The following MAF variants were observed in gnomAD, a reference collection of about 807,000 sequenced individuals.
MAF encodes the protein MAF bZIP transcription factor.
Under a neutral mutation model 22.0 loss-of-function variants are expected in MAF, and 10 were observed. The ratio of observed to expected loss-of-function variants is 0.45; its 90% CI spans 0.28 to 0.77. The LOEUF (loss-of-function observed/expected upper bound fraction) is 0.77, where lower values mean the gene tolerates loss of function less well. MAF is among the 30% of genes least tolerant of loss of function. MAF has a pLI of 0.12. For missense variants in MAF, 544 were observed against 548.4 expected, an observed-to-expected ratio of 0.99 and a Z score of 0.08; for synonymous variants, 337 against 255.8, an observed-to-expected ratio of 1.32 and a Z score of -3.03.
chr16:79,243,810 A>G, the MAF span, among the ~76,000 whole-genome samples: 2 of 152,186 alleles, frequency 1.3e-5, no homozygotes, highest in South Asian at 4.1e-4. Flanking sequence ...TGCTGCGAAA[A>G]TCCTCAATAA....
the MAF span, among the ~76,000 whole-genome samples, chr16:79,390,676 T>G: frequency 1.8e-4 from 27 of 152,286 alleles, 1 homozygote; most frequent in African/African-American, 6.3e-4. Flanking sequence ...GCCATGGAGC[T>G]GCCAGGGCAC....
the MAF span, among the ~76,000 whole-genome samples, chr16:79,394,971 A>G: frequency 6.6e-6 from 1 of 152,248 alleles, no homozygotes; most frequent in Non-Finnish European, 1.5e-5. Context: ...CACAGAGCAT[A>G]TAGCACAGAG....
the MAF span, among the ~76,000 whole-genome samples, chr16:79,268,711 C>T: frequency 9.2e-4 from 140 of 152,324 alleles, 1 homozygote; most frequent in Middle Eastern, 6.8e-3. Flanking sequence ...AACATTGCAA[C>T]AGGAAGCCCA....
At chr16:79,223,567 T>C in the MAF span, among the ~76,000 whole-genome samples, 1 of 151,926 alleles carries the variant, frequency 6.6e-6, no homozygotes, top group Non-Finnish European at 1.5e-5. Flanking sequence ...AATCAATGAA[T>C]CCAGAAACTG....
At chr16:79,568,624 G>C in the MAF span, among the ~76,000 whole-genome samples, 1 of 152,146 alleles carries the variant, frequency 6.6e-6, no homozygotes, top group Non-Finnish European at 1.5e-5. Context: ...CGGTTTCTGA[G>C]TCTTGGATCT....
the MAF span, among the ~76,000 whole-genome samples, chr16:79,406,079 C>G: frequency 6.6e-6 from 1 of 152,202 alleles, no homozygotes; most frequent in Non-Finnish European, 1.5e-5. Flanking sequence ...CTCTGAGGCT[C>G]ATGCTTTACA....
the MAF span, among the ~76,000 whole-genome samples, chr16:79,477,256 G>A: frequency 2.0e-5 from 3 of 152,180 alleles, no homozygotes; most frequent in African/African-American, 4.8e-5. Flanking sequence ...GTCATGCTTT[G>A]TGGCCAAAAG....
chr16:79,402,455 G>T, the MAF span, among the ~76,000 whole-genome samples: 13 of 152,314 alleles, frequency 8.5e-5, no homozygotes, highest in East Asian at 7.7e-4. Context: ...TCTTCCAGGG[G>T]CCTCTCACAC....
At chr16:79,214,556 C>A in the MAF span, among the ~76,000 whole-genome samples, 1 of 151,964 alleles carries the variant, frequency 6.6e-6, no homozygotes, top group Non-Finnish European at 1.5e-5. Flanking sequence ...CAGGTACACA[C>A]CACCACACCT....
the MAF span, among the ~76,000 whole-genome samples, chr16:79,560,542 G>A: frequency 1.3e-5 from 2 of 151,970 alleles, no homozygotes; most frequent in African/African-American, 2.4e-5. Context: ...ACTACTTCAA[G>A]CTAAAGGCAT....
At chr16:79,214,160 CCTCT>C in the MAF span, among the ~76,000 whole-genome samples, 4 of 152,102 alleles carry the variant, frequency 2.6e-5, no homozygotes, top group Non-Finnish European at 4.4e-5. Flanking sequence ...TTCCCCTTCC[CCTCT>C]ATTTTTTCTC....
At chr16:79,328,582 A>T in the MAF span, among the ~76,000 whole-genome samples, 5 of 152,208 alleles carry the variant, frequency 3.3e-5, no homozygotes. Context: ...AGAGCCTAAA[A>T]TCCCTCGAGC....
At chr16:79,545,432 T>C in the MAF span, among the ~76,000 whole-genome samples, 1 of 152,054 alleles carries the variant, frequency 6.6e-6, no homozygotes, top group South Asian at 2.1e-4. Flanking sequence ...TTAAATCAAG[T>C]GTGGCACCCA....
At chr16:79,520,222 A>T in the MAF span, among the ~76,000 whole-genome samples, 978 of 152,252 alleles carry the variant, frequency 6.4e-3, 10 homozygotes, top group African/African-American at 0.022. Context: ...GGGCCATCTT[A>T]TATAATTCAG....
At chr16:79,543,373 C>T in the MAF span, among the ~76,000 whole-genome samples, 1 of 152,166 alleles carries the variant, frequency 6.6e-6, no homozygotes, top group Non-Finnish European at 1.5e-5. Flanking sequence ...TTATCTCATA[C>T]ACAAAATGGG....
At chr16:79,486,717 T>G in the MAF span, among the ~76,000 whole-genome samples, 23 of 152,258 alleles carry the variant, frequency 1.5e-4, no homozygotes, top group Non-Finnish European at 2.9e-4. Context: ...AAATATTTCT[T>G]AAATTCATTT....
At chr16:79,459,013 T>C in the MAF span, among the ~76,000 whole-genome samples, 1 of 152,164 alleles carries the variant, frequency 6.6e-6, no homozygotes, top group Non-Finnish European at 1.5e-5. Flanking sequence ...AGAAAATGAG[T>C]TGTGGAACAT....
chr16:79,575,067 C>CT, the MAF span, among the ~76,000 whole-genome samples: 2 of 150,654 alleles, frequency 1.3e-5, no homozygotes, highest in African/African-American at 4.9e-5. Context: ...CCAACGGCCA[C>CT]TAAAGGTTCT....
intron 1 of MAF, chr16:79,595,074 C>G (rs1913433570): frequency 9.6e-7 from 1 of 1,045,780 alleles, no homozygotes; most frequent in Non-Finnish European, 1.2e-6. Context: ...TAAAAGCATT[C>G]TCTCCATTTC....
Sources: gnomAD v4.1 joint callset for allele counts (sites outside exome capture counted in the v4.1 genomes callset) on GRCh38, gnomAD v4.1.1 for gene constraint, MANE v1.5 for transcripts, NCBI Gene and HGNC (gene_info 2026-07-23, HGNC 2026-07-21) for gene names.